The following DDX24 variants were observed in gnomAD, a reference collection of about 807,000 sequenced individuals.
The protein encoded by DDX24 is ATP-dependent RNA helicase DDX24.
DDX24 carries 24 observed loss-of-function variants against 68.9 expected under a neutral mutation model. The ratio of observed to expected loss-of-function variants is 0.35; its 90% CI spans 0.25 to 0.49. The LOEUF is 0.49. Ranked by LOEUF, DDX24 falls within the 20% of genes least tolerant of loss-of-function variation. The pLI is 0.99. For synonymous variants in DDX24, 395 were observed against 385.2 expected, an observed-to-expected ratio of 1.03 and a Z score of -0.30; for missense variants, 989 against 1,039.0, an observed-to-expected ratio of 0.95 and a Z score of 0.66.
At position 94,079,710 on chromosome 14, in the gene DDX24, C is replaced by G. The variant is rs573061631; in HGVS notation, c.33G>C (p.Lys11Asn). The G allele has an allele frequency of 1.9e-6, 3 of 1,614,046 alleles. No individual in the cohort carries two copies. In the South Asian group the frequency reaches 3.3e-5, roughly 18 times the overall value. MKLKDTKSRP[K>N]QSSCGKFQTK... is the part of the protein sequence containing the mutation. ...TCTGAAATTTGCCACAGCTTGACTGCTTTGGCCTTGATTTTGTGTCCTTCA... is the reference window on the plus strand; with the variant it reads ...TCTGAAATTTGCCACAGCTTGACTGGTTTGGCCTTGATTTTGTGTCCTTCA... Residue 11 changes from lysine to asparagine, a missense_variant, in exon 2 of 9, where the codon AAG (lysine) becomes AAC (asparagine). Lys to Asn is a moderately conservative substitution (Grantham distance 94). This residue lies in a region of DDX24 where 295 missense variants were observed against 263.0 expected (regional missense o/e 1.12). Coordinates refer to ENST00000621632, the MANE Select transcript of DDX24 (RefSeq NM_020414.4).
intron 8 of DDX24, chr14:94,051,739 A>G (rs1401822306): frequency 1.1e-5 from 4 of 354,176 alleles, no homozygotes; most frequent in Non-Finnish European, 2.0e-5. Flanking sequence ...TCAGGGTTAG[A>G]GAAGTCACCT....
At chr14:94,076,695 AAAG>A (rs1885948023) in intron 2 of DDX24, among the ~76,000 whole-genome samples, 17 of 151,842 alleles carry the variant, frequency 1.1e-4, no homozygotes, top group Admixed American at 1.1e-3. Context: ...AAAAAAAAAA[AAAG>A]AAAGCAAGAA....
At chr14:94,057,668 T>C (rs1885515144) in intron 6 of DDX24, 154 bp downstream of exon 6, 1 of 626,950 alleles carries the variant, frequency 1.6e-6, no homozygotes, top group Non-Finnish European at 2.7e-6. Flanking sequence ...CTCAGCAGTG[T>C]TGCAAAAGTG....
chr14:94,060,889 G>A (rs779267356), intron 4 of DDX24, 24 bp downstream of exon 4: 2 of 1,612,520 alleles, frequency 1.2e-6, no homozygotes, highest in Non-Finnish European at 1.7e-6. Flanking sequence ...CAGTGAGGGG[G>A]AAAAGAGAAG....
At chr14:94,054,025 C>G (rs1211607126) in intron 7 of DDX24, among the ~76,000 whole-genome samples, 1 of 152,144 alleles carries the variant, frequency 6.6e-6, no homozygotes, top group African/African-American at 2.4e-5. Flanking sequence ...TTTGAAAACC[C>G]TTACTGGTTT....
intron 2 of DDX24, among the ~76,000 whole-genome samples, chr14:94,067,285 CAA>C (rs993105630): frequency 2.6e-5 from 4 of 151,528 alleles, no homozygotes; most frequent in African/African-American, 9.7e-5. Flanking sequence ...CCAAGAAAGA[CAA>C]AGAAAAAAGA....
intron 2 of DDX24, among the ~76,000 whole-genome samples, chr14:94,069,895 C>G (rs1885793608): frequency 6.6e-6 from 1 of 152,144 alleles, no homozygotes; most frequent in African/African-American, 2.4e-5. Flanking sequence ...AACCCACAGT[C>G]AACATAATAC....
intron 2 of DDX24, among the ~76,000 whole-genome samples, chr14:94,063,625 A>G (rs532249542): frequency 2.0e-5 from 3 of 152,372 alleles, no homozygotes; most frequent in South Asian, 2.1e-4. Context: ...ACGTAGGTAA[A>G]TATTTAAAAA....
Position 94,065,222 on chromosome 14 carries a change from A to ATT in DDX24, c.719-2603_719-2602dup, listed in dbSNP as rs368446745. ...TGCCACCACACCCAAGTAACTTTTG[A>ATT]TTTTTTTTTTTAGTAGAGATGCAGT... On this transcript the variant is annotated intron_variant, in intron 2 of 8. Transcript: ENST00000621632. Among the ~76,000 whole-genome samples the ATT allele has an allele frequency of 5.0e-3, 740 of 146,666 alleles. 2 individuals carry two copies. Among genetic ancestry groups the ATT allele is most frequent in the African/African-American group, 0.018 (710 of 40,128 alleles).
intron 2 of DDX24, among the ~76,000 whole-genome samples, chr14:94,072,702 T>C (rs1885857011): frequency 6.6e-6 from 1 of 152,090 alleles, no homozygotes; most frequent in African/African-American, 2.4e-5. Flanking sequence ...TGGTGGCACA[T>C]GCCTGTAGTT....
chr14:94,052,201 G>T (rs1885400853), intron 8 of DDX24, among the ~76,000 whole-genome samples: 1 of 152,252 alleles, frequency 6.6e-6, no homozygotes, highest in South Asian at 2.1e-4. Flanking sequence ...CTGCATACTT[G>T]GTGGTGTGGA....
intron 2 of DDX24, among the ~76,000 whole-genome samples, chr14:94,064,927 G>A (rs1390512792): frequency 6.6e-6 from 1 of 152,160 alleles, no homozygotes. Flanking sequence ...CTAGCTCCAG[G>A]TAGATAGTGT....
intron 2 of DDX24, among the ~76,000 whole-genome samples, chr14:94,078,371 A>G (rs920012565): frequency 6.6e-6 from 1 of 152,154 alleles, no homozygotes; most frequent in Non-Finnish European, 1.5e-5. Context: ...TCCTCCCCCA[A>G]GTCAGCAGTC....
intron 2 of DDX24, among the ~76,000 whole-genome samples, chr14:94,065,469 C>G (rs778869849): frequency 6.6e-6 from 1 of 151,800 alleles, no homozygotes; most frequent in Admixed American, 6.6e-5. Context: ...CAGATTTAAA[C>G]CTAACCACTG....
rs1194497667 is a variant in DDX24, at chr14:94,079,549, G to A, written c.194C>T (p.Pro65Leu). The A allele has an allele frequency of 7.4e-6, 12 of 1,614,056 alleles. No homozygotes were observed. Among genetic ancestry groups the A allele is most frequent in the Non-Finnish European group, 1.0e-5 (12 of 1,180,028 alleles). ...DYQLVSPAKN[P>L]SSLFSKEAPK... Reference sequence around the variant, plus strand: ...TGCTTCCTTTGAGAAGAGACTGGAGGGATTCTTGGCAGGGGAGACCAACTG... The same window carrying A: ...TGCTTCCTTTGAGAAGAGACTGGAGAGATTCTTGGCAGGGGAGACCAACTG... Residue 65 changes from proline (P) to leucine (L), a missense_variant, in exon 2 of 9, where the codon CCC (proline) becomes CTC (leucine). Pro to Leu is a moderately conservative substitution (Grantham distance 98, BLOSUM62 -3). This residue lies in a region of DDX24 where 295 missense variants were observed against 263.0 expected (regional missense o/e 1.12). Coordinates refer to ENST00000621632, the MANE Select transcript of DDX24 (RefSeq NM_020414.4).
rs567188387 is a variant in DDX24 at position 94,062,552 on chromosome 14, G to A, written c.788C>T (p.Ala263Val). ...HAVLQWQKRNAAPPPSNTEAP... is the reference protein window; with the variant it reads ...HAVLQWQKRNVAPPPSNTEAP... ...TTCGGTGTTACTTGGAGGAGGGGCA[G>A]CATTCCTCTTCTGCCACTGCAACAC... Residue 263 changes from alanine to valine, a missense_variant, in exon 3 of 9, where the codon GCT becomes GTT. Around this residue, in one of 3 missense-constraint regions of DDX24, gnomAD observed 691 missense variants for 760.0 expected, o/e 0.91. Transcript: ENST00000621632. 4 of 1,614,134 alleles carry A rather than the reference G, an allele frequency of 2.5e-6. No homozygotes were observed. The highest frequency in any genetic ancestry group is 1.7e-4 in the Middle Eastern group (1 of 6,054).
intron 8 of DDX24, chr14:94,051,731 A>G: frequency 2.6e-6 from 1 of 382,212 alleles, no homozygotes; most frequent in East Asian, 3.9e-5. Context: ...GAGGCAACTC[A>G]GGGTTAGAGA....
At chr14:94,080,926 G>C (rs1393999369) in intron 1 of DDX24, among the ~76,000 whole-genome samples, 193 bp downstream of exon 1, 1 of 152,298 alleles carries the variant, frequency 6.6e-6, no homozygotes, top group African/African-American at 2.4e-5. Context: ...AGGCCGTCAG[G>C]CTCTGATGAC....
At chr14:94,073,308 C>T (rs1343075916) in intron 2 of DDX24, among the ~76,000 whole-genome samples, 2 of 152,084 alleles carry the variant, frequency 1.3e-5, no homozygotes, top group Non-Finnish European at 2.9e-5. Flanking sequence ...TGGTTTTGAA[C>T]TCCTGGCCTC....
Sources: allele counts gnomAD v4.1 joint callset (sites outside exome capture counted in the v4.1 genomes callset), GRCh38; gene constraint gnomAD v4.1.1; regional missense constraint gnomAD v4.1.1; transcripts MANE v1.5; gene names NCBI Gene and HGNC (gene_info 2026-07-23, HGNC 2026-07-21).